The following DNAH11 variants were observed in gnomAD, a reference collection of about 807,000 sequenced individuals.
DNAH11 encodes axonemal beta dynein heavy chain 11.
Under a neutral mutation model 526.0 loss-of-function variants are expected in DNAH11, and 442 were observed. That is an observed-to-expected ratio of 0.84 (90% CI 0.78 to 0.91). The LOEUF (loss-of-function observed/expected upper bound fraction) is 0.91. DNAH11 is among the 40% of genes least tolerant of loss of function. DNAH11 has a pLI of 0.00. For missense variants in DNAH11, 6,989 were observed against 5,448.7 expected (o/e 1.28, Z -8.90); for synonymous variants, 2,461 against 1,935.9 (o/e 1.27, Z -7.12).
intron 8 of DNAH11, among the ~76,000 whole-genome samples, chr7:21,580,447 A>G (rs185803559): frequency 2.0e-3 from 301 of 152,330 alleles, no homozygotes; most frequent in African/African-American, 7.1e-3. Flanking sequence ...TTGCTGTTAC[A>G]CTGCTTTTCA....
chr7:21,664,781 T>G (rs1184135084), intron 30 of DNAH11, among the ~76,000 whole-genome samples: 1 of 152,082 alleles, frequency 6.6e-6, no homozygotes, highest in Non-Finnish European at 1.5e-5. Context: ...AATTTTGCAA[T>G]TACTCAGTTT....
intron 28 of DNAH11, among the ~76,000 whole-genome samples, chr7:21,644,496 TA>T (rs1039173695): frequency 6.6e-6 from 1 of 152,084 alleles, no homozygotes; most frequent in African/African-American, 2.4e-5. Context: ...ATGAAATCCA[TA>T]AAAAAATTCT....
At position 21,801,212 on chromosome 7, in the gene DNAH11, G is replaced by T; in HGVS notation, c.10102G>T (p.Glu3368Ter). Residue 3368 changes from glutamate (E) to a stop codon, truncating the protein, a stop_gained, in exon 62 of 82, where the codon GAG becomes TAG. Transcript: ENST00000409508. LOFTEE classifies it high-confidence loss of function. ...AGCTGAGAAAGTCCGGTGTCAAGAAGAGGTGAACCAAACCAACAAAACCAT... is the reference window on the plus strand; with the variant it reads ...AGCTGAGAAAGTCCGGTGTCAAGAATAGGTGAACCAAACCAACAAAACCAT... ...ATAEKVRCQE[E>*]VNQTNKTIKL... 1 of 1,613,728 alleles carries T rather than the reference G, an allele frequency of 6.2e-7. No individual in the cohort carries two copies. Among genetic ancestry groups the T allele is most frequent in the Non-Finnish European group, 8.5e-7 (1 of 1,179,784 alleles).
chr7:21,608,156 C>G (rs1456310704), intron 20 of DNAH11, among the ~76,000 whole-genome samples: 1 of 151,562 alleles, frequency 6.6e-6, no homozygotes, highest in Admixed American at 6.6e-5. Flanking sequence ...TAACCCTGGA[C>G]ATGAAGATTG....
At chr7:21,569,955 G>A in intron 6 of DNAH11, 114 bp from the exon 7 acceptor site, 2 of 812,082 alleles carry the variant, frequency 2.5e-6, no homozygotes, top group East Asian at 2.8e-5. Flanking sequence ...TTTCAGCATT[G>A]CTGGCCCAAC....
At chr7:21,592,101 A>C (rs924917467) in intron 14 of DNAH11, among the ~76,000 whole-genome samples, 2 of 152,194 alleles carry the variant, frequency 1.3e-5, no homozygotes, top group African/African-American at 4.8e-5. Context: ...AAGGCAGGAA[A>C]ATAAAAGCAA....
chr7:21,623,390 T>C (rs1267803335), intron 25 of DNAH11, among the ~76,000 whole-genome samples: 1 of 152,218 alleles, frequency 6.6e-6, no homozygotes, highest in Non-Finnish European at 1.5e-5. Context: ...GTTCAACCCT[T>C]GTGGAAGTCA....
intron 44 of DNAH11, among the ~76,000 whole-genome samples, chr7:21,724,768 A>ACG (rs1562510557): frequency 6.6e-6 from 1 of 150,726 alleles, no homozygotes; most frequent in East Asian, 2.0e-4. Flanking sequence ...CATCCTATGA[A>ACG]TATAGGAGTC....
At chr7:21,692,026 T>G (rs1018148102) in intron 35 of DNAH11, among the ~76,000 whole-genome samples, 1 of 152,226 alleles carries the variant, frequency 6.6e-6, no homozygotes, top group Admixed American at 6.5e-5. Context: ...AGAGAACATG[T>G]GTTGCTATAC....
intron 73 of DNAH11, among the ~76,000 whole-genome samples, chr7:21,870,383 G>T (rs1010808198): frequency 1.3e-5 from 2 of 152,200 alleles, no homozygotes; most frequent in Admixed American, 6.5e-5. Context: ...CTTCTGGGAT[G>T]ATGATAATAC....
chr7:21,653,440 T>C (rs1182596551), intron 28 of DNAH11, among the ~76,000 whole-genome samples: 3 of 152,186 alleles, frequency 2.0e-5, no homozygotes, highest in African/African-American at 7.2e-5. Context: ...TTCCTGGTCA[T>C]TGAGTTACTA....
intron 39 of DNAH11, among the ~76,000 whole-genome samples, chr7:21,707,012 T>C (rs1390764639): frequency 1.3e-5 from 2 of 152,248 alleles, no homozygotes; most frequent in African/African-American, 4.8e-5. Context: ...GTTGACATTC[T>C]GGACTGGATA....
intron 8 of DNAH11, 135 bp downstream of exon 8, chr7:21,572,108 T>C: frequency 1.4e-6 from 1 of 695,374 alleles, no homozygotes; most frequent in Non-Finnish European, 2.0e-6. Flanking sequence ...ATGACTTGCC[T>C]GAAGTCTTGT....
At chr7:21,879,754 C>T (rs1783845562) in intron 74 of DNAH11, among the ~76,000 whole-genome samples, 1 of 152,068 alleles carries the variant, frequency 6.6e-6, no homozygotes, top group African/African-American at 2.4e-5. Flanking sequence ...TCAAGTTTTC[C>T]AGACTTGACC....
chr7:21,814,247 C>T (rs889345985), intron 63 of DNAH11, among the ~76,000 whole-genome samples: 2 of 152,094 alleles, frequency 1.3e-5, no homozygotes, highest in South Asian at 2.1e-4. Flanking sequence ...CTGGTTTAGT[C>T]AGTGAGTGAA....
At position 21,894,924 on chromosome 7, in the gene DNAH11, T is replaced by G; in HGVS notation, c.12974T>G (p.Phe4325Cys). The change falls in exon 79 of 82, where the codon TTT becomes TGT. Residue 4325 changes from phenylalanine to cysteine, a missense_variant. Transcript: ENST00000409508. ...ALSPAVEAQQ[F>C]ALSYDTVPDT... Reference sequence around the variant, plus strand: ...TCTCCTGCTGTGGAAGCCCAGCAGTTTGCATTGAGTTATGACACGGTACCA... The same window carrying G: ...TCTCCTGCTGTGGAAGCCCAGCAGTGTGCATTGAGTTATGACACGGTACCA... 6.2e-7 allele frequency: 1 copy of G among 1,613,978 alleles called. No homozygotes were observed. The highest frequency in any genetic ancestry group is 8.5e-7 in the Non-Finnish European group (1 of 1,179,882).
At chr7:21,854,179 A>G in intron 67 of DNAH11, 136 bp from the exon 68 acceptor site, 1 of 825,670 alleles carries the variant, frequency 1.2e-6, no homozygotes, top group South Asian at 2.0e-5. Context: ...GAAAAGCTCG[A>G]GCACATGGAT....
intron 79 of DNAH11, among the ~76,000 whole-genome samples, chr7:21,895,972 GC>G (rs1784501081): frequency 6.6e-6 from 1 of 151,996 alleles, no homozygotes; most frequent in Admixed American, 6.5e-5. Context: ...CTCATGATCT[GC>G]CCGCCTCAGC....
At chr7:21,828,461 C>A (rs10267974) in intron 65 of DNAH11, among the ~76,000 whole-genome samples, 1 of 151,840 alleles carries the variant, frequency 6.6e-6, no homozygotes, top group Admixed American at 6.6e-5. Context: ...AGTTTTTTTT[C>A]CCTTAATAGT....
Sources: allele counts gnomAD v4.1 joint callset (sites outside exome capture counted in the v4.1 genomes callset), GRCh38; gene constraint gnomAD v4.1.1; transcripts MANE v1.5; gene names NCBI Gene and HGNC (gene_info 2026-07-23, HGNC 2026-07-21).